The following SCFD2 variants were observed in gnomAD, a reference collection of about 807,000 sequenced individuals.
The protein encoded by SCFD2 is sec1 family domain containing 2.
SCFD2 carries 54 observed loss-of-function variants against 58.9 expected under a neutral mutation model. The observed-to-expected ratio is 0.92, with a 90% CI of 0.74 to 1.15. SCFD2 has a LOEUF of 1.15. SCFD2 is among the 50% of genes most tolerant of loss of function. The pLI, the probability that SCFD2 is intolerant of heterozygous loss-of-function variation, is 0.00. For missense variants in SCFD2, 805 were observed against 836.6 expected, an observed-to-expected ratio of 0.96 and a Z score of 0.47; for synonymous variants, 321 against 335.9, an observed-to-expected ratio of 0.96 and a Z score of 0.49.
chr4:53,306,826 C>T (rs971588750), intron 3 of SCFD2, among the ~76,000 whole-genome samples: 1 of 152,146 alleles, frequency 6.6e-6, no homozygotes, highest in Non-Finnish European at 1.5e-5. Flanking sequence ...TGTGGTTCCA[C>T]AGAGAAAGTG....
At chr4:53,331,781 C>T (rs1052448733) in intron 2 of SCFD2, among the ~76,000 whole-genome samples, 1 of 152,076 alleles carries the variant, frequency 6.6e-6, no homozygotes, top group Non-Finnish European at 1.5e-5. Flanking sequence ...ACACAAAAAA[C>T]CCTTCAAAAA....
At chr4:53,259,883 A>G (rs1435544067) in intron 4 of SCFD2, among the ~76,000 whole-genome samples, 6 of 151,632 alleles carry the variant, frequency 4.0e-5, no homozygotes, top group Admixed American at 1.3e-4. Context: ...TGTATCATCT[A>G]TGATTTCTTG....
intron 5 of SCFD2, among the ~76,000 whole-genome samples, chr4:52,935,592 G>A (rs1720116039): frequency 6.6e-6 from 1 of 152,162 alleles, no homozygotes; most frequent in Non-Finnish European, 1.5e-5. Flanking sequence ...TAAACCCTGG[G>A]TCTGGGAGTT....
At chr4:53,093,986 T>C (rs1219877699) in intron 5 of SCFD2, among the ~76,000 whole-genome samples, 3 of 152,120 alleles carry the variant, frequency 2.0e-5, no homozygotes, top group Admixed American at 6.6e-5. Flanking sequence ...ATTTTTAAAA[T>C]AGATTATTTA....
chr4:52,974,102 AC>A, intron 5 of SCFD2, among the ~76,000 whole-genome samples: 1 of 152,314 alleles, frequency 6.6e-6, no homozygotes, highest in Admixed American at 6.5e-5. Flanking sequence ...CCCTTTGAAA[AC>A]GGGCACAAGA....
intron 5 of SCFD2, among the ~76,000 whole-genome samples, chr4:53,083,500 A>G (rs980717257): frequency 1.3e-5 from 2 of 152,228 alleles, no homozygotes; most frequent in African/African-American, 4.8e-5. Context: ...ACATGAAAAA[A>G]GGAAAACTGC....
At chr4:53,342,964 T>C (rs1256233283) in intron 2 of SCFD2, among the ~76,000 whole-genome samples, 3 of 152,160 alleles carry the variant, frequency 2.0e-5, no homozygotes, top group Non-Finnish European at 4.4e-5. Flanking sequence ...AACCAGTATG[T>C]AGAGGGAAAT....
At position 52,889,660 on chromosome 4, in the gene SCFD2, T is replaced by A. The variant is rs1220419267; in HGVS notation, c.1843-3794A>T. ...ATCTGTTAAACATATGATAATTTAC[T>A]GAGTGTATGCATATCACCAGTGTGC... On this transcript the variant is annotated intron_variant, in intron 7 of 8. Transcript: ENST00000401642. Among the ~76,000 whole-genome samples the A allele has an allele frequency of 5.3e-5, 8 of 152,254 alleles. No homozygotes were observed. The East Asian group carries it at 1.5e-3, about 29-fold the overall frequency.
At chr4:52,928,422 C>T (rs1427661968) in intron 5 of SCFD2, among the ~76,000 whole-genome samples, 1 of 152,110 alleles carries the variant, frequency 6.6e-6, no homozygotes, top group African/African-American at 2.4e-5. Context: ...ATGTATCACA[C>T]AGCAGGACAC....
chr4:53,267,549 T>C (rs1299906945), intron 4 of SCFD2, among the ~76,000 whole-genome samples: 1 of 152,214 alleles, frequency 6.6e-6, no homozygotes, highest in Admixed American at 6.5e-5. Flanking sequence ...GTATTTTAAA[T>C]GTTTACTTCT....
At chr4:53,219,186 C>A (rs1728964136) in intron 4 of SCFD2, among the ~76,000 whole-genome samples, 2 of 152,220 alleles carry the variant, frequency 1.3e-5, no homozygotes, top group South Asian at 4.1e-4. Flanking sequence ...GACATTAAGT[C>A]TGCAGAGGTT....
chr4:52,882,211 G>A lies in SCFD2; in HGVS notation c.1962+3536C>T, dbSNP rs77343444. ...ACAGGAACTGATGATATTCAGTTTGGAGAAGAGAAGACCTGGGGGAGGACA... is the reference window on the plus strand; with the variant it reads ...ACAGGAACTGATGATATTCAGTTTGAAGAAGAGAAGACCTGGGGGAGGACA... On this transcript the variant is annotated intron_variant, in intron 8 of 8. Transcript: ENST00000401642. Among the ~76,000 whole-genome samples, 1,121 of 152,276 alleles carry A rather than the reference G, an allele frequency of 7.4e-3. 12 individuals carry two copies. Among genetic ancestry groups the A allele is most frequent in the African/African-American group, 0.024 (1,010 of 41,556 alleles).
intron 4 of SCFD2, among the ~76,000 whole-genome samples, chr4:53,174,193 T>C (rs1727260761): frequency 6.6e-6 from 1 of 151,494 alleles, no homozygotes; most frequent in Admixed American, 6.6e-5. Context: ...GAAAATAATA[T>C]TGAATGTGAA....
At chr4:53,100,733 G>A (rs1261782506) in intron 5 of SCFD2, among the ~76,000 whole-genome samples, 1 of 152,066 alleles carries the variant, frequency 6.6e-6, no homozygotes, top group African/African-American at 2.4e-5. Context: ...CTGAATTTCT[G>A]GCTTTACTTC....
intron 8 of SCFD2, among the ~76,000 whole-genome samples, chr4:52,885,362 GC>G (rs1718713234): frequency 6.6e-6 from 1 of 152,128 alleles, no homozygotes; most frequent in South Asian, 2.1e-4. Context: ...AGCCCCAGAA[GC>G]CCAGAGCTAG....
intron 5 of SCFD2, among the ~76,000 whole-genome samples, chr4:53,083,943 A>G (rs143626651): frequency 6.6e-6 from 1 of 152,322 alleles, no homozygotes; most frequent in African/African-American, 2.4e-5. Context: ...AACCACTGAT[A>G]AGGATCCAAG....
chr4:53,101,364 T>C (rs1424548214), intron 5 of SCFD2, among the ~76,000 whole-genome samples: 1 of 152,184 alleles, frequency 6.6e-6, no homozygotes, highest in Non-Finnish European at 1.5e-5. Flanking sequence ...CAGAATGATA[T>C]TCTAATTTGA....
intron 4 of SCFD2, among the ~76,000 whole-genome samples, chr4:53,239,702 C>G (rs1729830120): frequency 6.6e-6 from 1 of 152,090 alleles, no homozygotes; most frequent in African/African-American, 2.4e-5. Flanking sequence ...CAGGCTGGTC[C>G]TGAACTCCTG....
chr4:53,330,013 A>G (rs1477909492), intron 2 of SCFD2, among the ~76,000 whole-genome samples: 1 of 151,814 alleles, frequency 6.6e-6, no homozygotes, highest in East Asian at 1.9e-4. Flanking sequence ...AGATGAAATG[A>G]ATGAAATGAA....
Sources: allele counts gnomAD v4.1 joint callset (sites outside exome capture counted in the v4.1 genomes callset), GRCh38; gene constraint gnomAD v4.1.1; transcripts MANE v1.5; gene names NCBI Gene and HGNC (gene_info 2026-07-23, HGNC 2026-07-21).